Variants in NELL2 observed in about 807,000 individuals in gnomAD.
NELL2 encodes protein kinase C-binding protein NELL2.
Under a neutral mutation model 109.6 loss-of-function variants are expected in NELL2, and 41 were observed. That is an observed-to-expected ratio of 0.37 (90% CI 0.29 to 0.49). The LOEUF (loss-of-function observed/expected upper bound fraction) is 0.49, where lower values mean the gene tolerates loss of function less well. Among genes scored for constraint, NELL2 ranks in the 20% least tolerant of loss-of-function variants. The probability of loss-of-function intolerance (pLI) is 0.98; values close to 1 mark genes in which losing one functional copy is unlikely to be tolerated. For missense variants in NELL2, 900 were observed against 1,008.3 expected, an observed-to-expected ratio of 0.89 and a Z score of 1.45; for synonymous variants, 355 against 344.7, an observed-to-expected ratio of 1.03 and a Z score of -0.33.
intron 1 of NELL2, among the ~76,000 whole-genome samples, chr12:44,884,255 A>G (rs999484848): frequency 1.1e-4 from 16 of 151,944 alleles, no homozygotes; most frequent in African/African-American, 3.9e-4. Flanking sequence ...CAGAATAACA[A>G]AAGGGTTCAC....
chr12:44,610,993 G>C, intron 13 of NELL2, 23 bp from the exon 14 acceptor site: 1 of 1,606,840 alleles, frequency 6.2e-7, no homozygotes, highest in Non-Finnish European at 8.5e-7. Context: ...ATACAATTTT[G>C]TTACTCAAAG....
At chr12:44,876,828 G>A, upstream of NELL2, 1 of 1,328,878 alleles carries the variant, frequency 7.5e-7, no homozygotes, top group Non-Finnish European at 9.7e-7. Context: ...CTGCCGAGGT[G>A]GAGCTGGGCA....
At chr12:44,671,034 C>T (rs894270305) in intron 12 of NELL2, among the ~76,000 whole-genome samples, 10 of 152,038 alleles carry the variant, frequency 6.6e-5, no homozygotes, top group Non-Finnish European at 5.9e-5. Flanking sequence ...GGATAGAACA[C>T]GTTAGGCCAC....
intron 15 of NELL2, among the ~76,000 whole-genome samples, chr12:44,564,875 C>A (rs1259917693): frequency 2.0e-5 from 3 of 152,108 alleles, no homozygotes; most frequent in Admixed American, 6.6e-5. Flanking sequence ...ATTGGTATAT[C>A]CCCTCTATCA....
At chr12:44,549,298 AG>A (rs1330677956) in intron 15 of NELL2, among the ~76,000 whole-genome samples, 1 of 152,166 alleles carries the variant, frequency 6.6e-6, no homozygotes, top group Non-Finnish European at 1.5e-5. Flanking sequence ...ATGAGTGGTC[AG>A]GGTTTTTAGA....
At chr12:44,770,318 C>T (rs933135332) in intron 9 of NELL2, among the ~76,000 whole-genome samples, 24 of 152,122 alleles carry the variant, frequency 1.6e-4, no homozygotes, top group Admixed American at 1.3e-3. Flanking sequence ...TCAGTGCTTA[C>T]ACAGCCCCTA....
chr12:44,750,313 T>C (rs989113373), intron 9 of NELL2, among the ~76,000 whole-genome samples: 2 of 152,204 alleles, frequency 1.3e-5, no homozygotes, highest in Non-Finnish European at 2.9e-5. Flanking sequence ...GATAGGAAGG[T>C]ACATTCTTTT....
chr12:44,672,934 T>TAA (rs1225461315), intron 12 of NELL2, among the ~76,000 whole-genome samples: 4 of 152,102 alleles, frequency 2.6e-5, no homozygotes, highest in African/African-American at 9.7e-5. Flanking sequence ...CGTAGGATCA[T>TAA]AAAGCAAAAA....
intron 1 of NELL2, among the ~76,000 whole-genome samples, chr12:44,910,718 C>T (rs1364962968): frequency 6.6e-6 from 1 of 151,894 alleles, no homozygotes; most frequent in Non-Finnish European, 1.5e-5. Flanking sequence ...AGGTGCCCAT[C>T]AATGATGGAT....
intron 9 of NELL2, among the ~76,000 whole-genome samples, chr12:44,771,339 G>GTTT (rs140341898): frequency 7.4e-5 from 11 of 147,968 alleles, no homozygotes; most frequent in African/African-American, 2.7e-4. Flanking sequence ...ATAACAGATG[G>GTTT]TTTTTTTAAA....
At chr12:44,515,090 G>A (rs749467294) in intron 19 of NELL2, among the ~76,000 whole-genome samples, 19 of 151,498 alleles carry the variant, frequency 1.3e-4, no homozygotes, top group Non-Finnish European at 2.7e-4. Flanking sequence ...ATAAAATATA[G>A]ATAGGACAAA....
At chr12:44,815,350 G>A (rs545540320) in intron 3 of NELL2, among the ~76,000 whole-genome samples, 5 of 152,224 alleles carry the variant, frequency 3.3e-5, no homozygotes, top group South Asian at 2.1e-4. Context: ...ACAATTATAC[G>A]ACTATTAAAC....
intron 12 of NELL2, among the ~76,000 whole-genome samples, chr12:44,684,989 C>A (rs988815892): frequency 1.3e-5 from 2 of 151,940 alleles, no homozygotes; most frequent in African/African-American, 4.8e-5. Flanking sequence ...CTTTCTGTCT[C>A]GTTGATCTGT....
intron 9 of NELL2, among the ~76,000 whole-genome samples, chr12:44,770,826 T>A (rs547529788): frequency 1.8e-4 from 27 of 152,296 alleles, no homozygotes; most frequent in South Asian, 1.7e-3. Flanking sequence ...CCTATTCTCA[T>A]GAACCGCCTT....
chr12:44,821,418 C>A (rs1198988153), intron 2 of NELL2, among the ~76,000 whole-genome samples: 1 of 152,162 alleles, frequency 6.6e-6, no homozygotes, highest in African/African-American at 2.4e-5. Context: ...GCAACCAACA[C>A]AGAAAATAAT....
chr12:44,642,953 A>G (rs764285855), intron 13 of NELL2, among the ~76,000 whole-genome samples: 2 of 152,234 alleles, frequency 1.3e-5, no homozygotes, highest in African/African-American at 2.4e-5. Context: ...ATAAAGAGAC[A>G]TTAAAAGCAC....
At chr12:44,777,188 T>C in intron 6 of NELL2, 54 bp downstream of exon 6, 1 of 1,608,378 alleles carries the variant, frequency 6.2e-7, no homozygotes, top group Non-Finnish European at 8.5e-7. Context: ...TGGTTAAGTC[T>C]ATGCTGACAA....
At position 44,666,815 on chromosome 12, in the gene NELL2, T is replaced by A. The variant is rs75309729; in HGVS notation, c.1319-1206A>T. On this transcript the variant is annotated intron_variant, in intron 12 of 19. Coordinates refer to ENST00000429094, the MANE Select transcript of NELL2 (RefSeq NM_001145108.2). ...CCTGGTTTGGTCTTTACTTTTCCAA[T>A]TTCACATCTGATGACCTCACTCCCT... Among the ~76,000 whole-genome samples, 185 of 152,322 alleles carry A rather than the reference T, an allele frequency of 1.2e-3. 3 individuals are homozygous for A. In the East Asian group the frequency reaches 0.026, roughly 22 times the overall value.
intron 9 of NELL2, among the ~76,000 whole-genome samples, chr12:44,741,646 A>G (rs1342846769): frequency 6.6e-6 from 1 of 152,246 alleles, no homozygotes; most frequent in Non-Finnish European, 1.5e-5. Context: ...ATGGCACACC[A>G]GGAGATTATA....
Sources: gnomAD v4.1 joint callset for allele counts (sites outside exome capture counted in the v4.1 genomes callset) on GRCh38, gnomAD v4.1.1 for gene constraint, MANE v1.5 for transcripts, NCBI Gene and HGNC (gene_info 2026-07-23, HGNC 2026-07-21) for gene names.